Variants in SLC9B1 observed in about 807,000 individuals in gnomAD.
SLC9B1 encodes sodium/hydrogen exchanger 9B1.
SLC9B1 carries 32 observed loss-of-function variants against 51.7 expected under a neutral mutation model. That is an observed-to-expected ratio of 0.62 (90% CI 0.47 to 0.83). SLC9B1 has a LOEUF of 0.83. SLC9B1 is among the 40% of genes least tolerant of loss of function. The probability of loss-of-function intolerance (pLI) is 0.00; values close to 1 mark genes in which losing one functional copy is unlikely to be tolerated. For synonymous variants in SLC9B1, 145 were observed against 212.7 expected (o/e 0.68, Z 2.77); for missense variants, 406 against 613.2 (o/e 0.66, Z 3.57).
chr4:102,997,329 A>G (rs1740277958), intron 1 of SLC9B1, among the ~76,000 whole-genome samples: 1 of 152,148 alleles, frequency 6.6e-6, no homozygotes, highest in South Asian at 2.1e-4. Flanking sequence ...ATATTCCTCC[A>G]TTTATTTAGA....
intron 7 of SLC9B1, among the ~76,000 whole-genome samples, chr4:102,923,590 G>A (rs951402371): frequency 3.3e-5 from 5 of 151,990 alleles, no homozygotes; most frequent in Non-Finnish European, 7.4e-5. Flanking sequence ...ATGAAATAAA[G>A]GGTATTCAAT....
chr4:102,914,520 G>C (rs1049325299), intron 7 of SLC9B1, among the ~76,000 whole-genome samples: 7 of 152,114 alleles, frequency 4.6e-5, no homozygotes, highest in African/African-American at 1.7e-4. Context: ...CCGACTGCCA[G>C]GAATGAACAA....
At chr4:103,005,292 G>C (rs1000957371) in intron 1 of SLC9B1, among the ~76,000 whole-genome samples, 1 of 150,412 alleles carries the variant, frequency 6.6e-6, no homozygotes, top group Non-Finnish European at 1.5e-5. Context: ...AAAAAAGCAG[G>C]GGTTACTGTT....
intron 7 of SLC9B1, among the ~76,000 whole-genome samples, chr4:102,928,455 T>TTCAACAAG (rs1340846597): frequency 6.6e-6 from 1 of 152,188 alleles, no homozygotes; most frequent in Non-Finnish European, 1.5e-5. Context: ...GTCAAAGCCA[T>TTCAACAAG]TCAACAAGTC....
At chr4:103,005,059 T>C (rs115569862) in intron 1 of SLC9B1, among the ~76,000 whole-genome samples, 1,557 of 152,138 alleles carry the variant, frequency 0.01, 34 homozygotes, top group African/African-American at 0.035. Context: ...GCTAGCAACA[T>C]GATGACAGAA....
At chr4:102,999,141 T>G (rs748052741) in intron 1 of SLC9B1, among the ~76,000 whole-genome samples, 1 of 152,244 alleles carries the variant, frequency 6.6e-6, no homozygotes, top group Non-Finnish European at 1.5e-5. Context: ...TTGCCCATTT[T>G]AAAATTGGGA....
At chr4:102,950,760 G>C (rs573560771) in intron 3 of SLC9B1, among the ~76,000 whole-genome samples, 1 of 152,304 alleles carries the variant, frequency 6.6e-6, no homozygotes, top group African/African-American at 2.4e-5. Context: ...TTGGGAGGCT[G>C]AGGCAGGTGG....
At chr4:102,942,456 C>T (rs1737054143) in intron 6 of SLC9B1, among the ~76,000 whole-genome samples, 1 of 152,098 alleles carries the variant, frequency 6.6e-6, no homozygotes, top group African/African-American at 2.4e-5. Context: ...ACCAAAGCAG[C>T]ATAACACTGG....
chr4:102,948,258 A>T (rs923745400), intron 4 of SLC9B1, among the ~76,000 whole-genome samples: 1 of 151,598 alleles, frequency 6.6e-6, no homozygotes, highest in African/African-American at 2.4e-5. Flanking sequence ...AAAATCAAGG[A>T]GGGACTCCCT....
intron 3 of SLC9B1, among the ~76,000 whole-genome samples, chr4:102,952,821 G>GT (rs1737618321): frequency 1.6e-5 from 1 of 64,442 alleles, no homozygotes; most frequent in Non-Finnish European, 3.0e-5. Flanking sequence ...GGGGTTGTTT[G>GT]TTTTTTTCTT....
intron 4 of SLC9B1, among the ~76,000 whole-genome samples, chr4:102,948,948 C>T (rs1012716292): frequency 2.7e-4 from 41 of 152,008 alleles, no homozygotes; most frequent in African/African-American, 9.7e-4. Context: ...GCATATGTAC[C>T]CCGTGAATCT....
At chr4:102,949,472 G>A (rs773668680) in intron 3 of SLC9B1, 45 bp from the exon 4 acceptor site, 4 of 1,409,116 alleles carry the variant, frequency 2.8e-6, no homozygotes, top group Admixed American at 5.3e-5. Flanking sequence ...CATACACATA[G>A]ATGTATACAA....
rs772385297 is a variant in SLC9B1, at chr4:102,905,520, T to A, written c.1326A>T (p.Thr442=). ...FIALAWMPKA[T]VQAVLGPLAL... ...AGGCTTAATATGTTCTTACCTGTAC[T>A]GTAGCTTTGGGCATCCATGCTAAAG... The change falls in exon 11 of 12, where the codon ACA becomes ACT. Residue 442 remains threonine (T), a synonymous_variant. Coordinates refer to ENST00000296422, the MANE Select transcript of SLC9B1 (RefSeq NM_139173.4). The A allele has an allele frequency of 6.2e-7, 1 of 1,610,708 alleles. No individual in the cohort carries two copies. The highest frequency in any genetic ancestry group is 8.5e-7 in the Non-Finnish European group (1 of 1,178,982).
intron 3 of SLC9B1, among the ~76,000 whole-genome samples, chr4:102,984,169 T>C (rs185387366): frequency 6.6e-6 from 1 of 152,250 alleles, no homozygotes; most frequent in East Asian, 1.9e-4. Flanking sequence ...CACACTGAAA[T>C]ACAGTGGTGT....
At chr4:103,002,450 G>T (rs1163335573) in intron 1 of SLC9B1, among the ~76,000 whole-genome samples, 4 of 152,098 alleles carry the variant, frequency 2.6e-5, no homozygotes, top group Non-Finnish European at 5.9e-5. Context: ...AGAAAATGCT[G>T]TAATAACTTA....
chr4:102,944,209 T>A (rs1194767138), intron 6 of SLC9B1, among the ~76,000 whole-genome samples: 1 of 152,026 alleles, frequency 6.6e-6, no homozygotes, highest in African/African-American at 2.4e-5. Flanking sequence ...AAGGGAACAA[T>A]CGTCACTAGG....
chr4:102,984,391 C>T (rs548636861), intron 3 of SLC9B1, among the ~76,000 whole-genome samples: 1 of 152,324 alleles, frequency 6.6e-6, no homozygotes, highest in East Asian at 1.9e-4. Flanking sequence ...ACTGGGATTA[C>T]AGGTGTGAGC....
intron 6 of SLC9B1, among the ~76,000 whole-genome samples, chr4:102,935,921 C>A (rs774112869): frequency 6.6e-6 from 1 of 152,172 alleles, no homozygotes; most frequent in African/African-American, 2.4e-5. Flanking sequence ...TGCACCCCTG[C>A]CAACACAGGC....
chr4:102,951,713 A>C (rs909178748), intron 3 of SLC9B1, among the ~76,000 whole-genome samples: 1 of 151,914 alleles, frequency 6.6e-6, no homozygotes, highest in African/African-American at 2.4e-5. Context: ...AATGAGGTGG[A>C]AAATGAGAGA....
Sources: gnomAD v4.1 joint callset for allele counts (sites outside exome capture counted in the v4.1 genomes callset) on GRCh38, gnomAD v4.1.1 for gene constraint, MANE v1.5 for transcripts, NCBI Gene and HGNC (gene_info 2026-07-23, HGNC 2026-07-21) for gene names.